The following TNFSF4 variants were observed in gnomAD, a reference collection of about 807,000 sequenced individuals.
TNFSF4 encodes TNF superfamily member 4.
Under a neutral mutation model 7.3 loss-of-function variants are expected in TNFSF4, and 4 were observed. The ratio of observed to expected loss-of-function variants is 0.55; its 90% CI spans 0.27 to 1.25. The LOEUF is 1.25. Ranked by LOEUF, TNFSF4 falls within the 50% of genes most tolerant of loss-of-function variation. The pLI, the probability that TNFSF4 is intolerant of heterozygous loss-of-function variation, is 0.12. For synonymous variants in TNFSF4, 76 were observed against 83.7 expected (o/e 0.91, Z 0.50); for missense variants, 181 against 208.8 (o/e 0.87, Z 0.82).
chr1:173,245,144 T>C, the TNFSF4 span, among the ~76,000 whole-genome samples: 7 of 152,098 alleles, frequency 4.6e-5, no homozygotes, highest in South Asian at 2.1e-4. Flanking sequence ...CTTTTAGTTG[T>C]TTTCTCTTTG....
At chr1:173,277,822 G>A in the TNFSF4 span, among the ~76,000 whole-genome samples, 9 of 152,204 alleles carry the variant, frequency 5.9e-5, no homozygotes, top group South Asian at 1.9e-3. Flanking sequence ...AATGACAAAC[G>A]AGAGTCCTGG....
At chr1:173,448,310 T>TC in the TNFSF4 span, among the ~76,000 whole-genome samples, 31 of 149,912 alleles carry the variant, frequency 2.1e-4, no homozygotes, top group Non-Finnish European at 1.5e-5. Flanking sequence ...GTAGAAAACT[T>TC]TTTTTTTCAA....
At chr1:173,389,052 T>C in the TNFSF4 span, among the ~76,000 whole-genome samples, 18 of 152,252 alleles carry the variant, frequency 1.2e-4, no homozygotes, top group African/African-American at 3.4e-4. Flanking sequence ...TTATGTGCAT[T>C]ACATATTTTT....
At chr1:173,428,585 TTAAA>T in the TNFSF4 span, among the ~76,000 whole-genome samples, 1 of 152,256 alleles carries the variant, frequency 6.6e-6, no homozygotes, top group South Asian at 2.1e-4. Flanking sequence ...AATTATAAAT[TTAAA>T]TACTGACTAG....
chr1:173,186,439 A>T lies in TNFSF4; in HGVS notation c.*77T>A. The stretch of plus-strand genomic sequence containing the variant: ...GAGCTGGGAGGCTCCTTCACTTGCA[A>T]TGAAGAATCCATGCCCTGTCCACCC... On this transcript the variant is annotated 3_prime_UTR_variant, in exon 3 of 3. Transcript: ENST00000281834. 1 of 1,239,716 alleles carries T rather than the reference A, an allele frequency of 8.1e-7. No homozygotes were observed. Among genetic ancestry groups the T allele is most frequent in the East Asian group, 2.4e-5 (1 of 42,428 alleles). The allele number at this position is 1,239,716 out of a possible 1,614,324, so 76.8% of individuals were successfully genotyped here.
chr1:173,244,239 G>A, the TNFSF4 span, among the ~76,000 whole-genome samples: 1 of 152,168 alleles, frequency 6.6e-6, no homozygotes. Flanking sequence ...TGAGTCCCAT[G>A]TCTGGTATGA....
the TNFSF4 span, among the ~76,000 whole-genome samples, chr1:173,216,641 A>G: frequency 6.6e-6 from 1 of 152,076 alleles, no homozygotes; most frequent in Non-Finnish European, 1.5e-5. Context: ...TGGAGGTAGT[A>G]TTCCCTATCT....
At chr1:173,346,698 CCCA>C in the TNFSF4 span, among the ~76,000 whole-genome samples, 2 of 152,054 alleles carry the variant, frequency 1.3e-5, no homozygotes, top group Non-Finnish European at 2.9e-5. Flanking sequence ...AAATTATTAA[CCCA>C]CCTTCCTGGT....
chr1:173,388,247 C>T, the TNFSF4 span, among the ~76,000 whole-genome samples: 4 of 152,226 alleles, frequency 2.6e-5, no homozygotes, highest in Non-Finnish European at 2.9e-5. Context: ...TACCAACCTT[C>T]AATTGCTTTT....
the TNFSF4 span, among the ~76,000 whole-genome samples, chr1:173,317,590 T>C: frequency 6.6e-6 from 1 of 152,108 alleles, no homozygotes; most frequent in Non-Finnish European, 1.5e-5. Context: ...AGCAACAAAA[T>C]ATAATACTTA....
chr1:173,199,279 G>A (rs187431527), intron 1 of TNFSF4, among the ~76,000 whole-genome samples: 22 of 152,254 alleles, frequency 1.4e-4, no homozygotes, highest in African/African-American at 3.9e-4. Context: ...GCTTTATAGC[G>A]GCTTGAATAG....
At chr1:173,336,396 C>T in the TNFSF4 span, among the ~76,000 whole-genome samples, 1 of 152,214 alleles carries the variant, frequency 6.6e-6, no homozygotes, top group South Asian at 2.1e-4. Flanking sequence ...ATTGGAGTTG[C>T]TGTACTAGAT....
the TNFSF4 span, among the ~76,000 whole-genome samples, chr1:173,396,625 G>A: frequency 1.3e-5 from 2 of 152,208 alleles, no homozygotes; most frequent in Non-Finnish European, 2.9e-5. Flanking sequence ...TGAGCTCAAG[G>A]AATTAGAAAG....
chr1:173,359,260 T>C, the TNFSF4 span, among the ~76,000 whole-genome samples: 2 of 152,178 alleles, frequency 1.3e-5, no homozygotes, highest in Admixed American at 1.3e-4. Context: ...AGAAAATGTT[T>C]GTTGAGTTGA....
chr1:173,196,293 T>G (rs1649694481), intron 1 of TNFSF4, among the ~76,000 whole-genome samples: 1 of 152,230 alleles, frequency 6.6e-6, no homozygotes, highest in East Asian at 1.9e-4. Flanking sequence ...GACAAAGATG[T>G]GTGGCTTTGA....
chr1:173,343,201 A>C, the TNFSF4 span, among the ~76,000 whole-genome samples: 2 of 152,238 alleles, frequency 1.3e-5, no homozygotes, highest in Non-Finnish European at 2.9e-5. Flanking sequence ...GAGTAAATGA[A>C]ATAAATAAAT....
chr1:173,334,196 T>G, the TNFSF4 span, among the ~76,000 whole-genome samples: 144,855 of 152,150 alleles, frequency 0.95, 69,383 homozygotes, highest in East Asian at 1. Flanking sequence ...AATCTGATTA[T>G]ATTTAAAGAT....
chr1:173,391,884 G>A, the TNFSF4 span, among the ~76,000 whole-genome samples: 3 of 152,156 alleles, frequency 2.0e-5, no homozygotes, highest in African/African-American at 7.2e-5. Context: ...ATAAAAAGCA[G>A]GACCTTGTAA....
At chr1:173,430,035 G>A in the TNFSF4 span, among the ~76,000 whole-genome samples, 1 of 152,184 alleles carries the variant, frequency 6.6e-6, no homozygotes, top group South Asian at 2.1e-4. Flanking sequence ...AGAGTGTGTA[G>A]GGCCTCGCCC....
Sources: gnomAD v4.1 joint callset for allele counts (sites outside exome capture counted in the v4.1 genomes callset) on GRCh38, gnomAD v4.1.1 for gene constraint, MANE v1.5 for transcripts, NCBI Gene and HGNC (gene_info 2026-07-23, HGNC 2026-07-21) for gene names.